FHOD3: variants seen among roughly 807,000 people sequenced by gnomAD.
FHOD3 encodes the protein formin homology 2 domain containing 3.
In FHOD3, 90 loss-of-function variants were observed where a neutral mutation model predicts 173.0. That is an observed-to-expected ratio of 0.52 (90% CI 0.44 to 0.62). FHOD3 has a LOEUF of 0.62. Among genes scored for constraint, FHOD3 ranks in the 20% least tolerant of loss-of-function variants. FHOD3 has a pLI of 0.00. For missense variants in FHOD3, 1,945 were observed against 2,034.7 expected, an observed-to-expected ratio of 0.96 and a Z score of 0.85; for synonymous variants, 828 against 823.0, an observed-to-expected ratio of 1.01 and a Z score of -0.10.
At chr18:36,730,147 T>C (rs1305304522) in intron 19 of FHOD3, among the ~76,000 whole-genome samples, 2 of 152,148 alleles carry the variant, frequency 1.3e-5, no homozygotes, top group East Asian at 3.9e-4. Context: ...AGGTGAGGGC[T>C]TTGAGACAGT....
At chr18:36,588,810 C>T (rs565057101) in intron 6 of FHOD3, among the ~76,000 whole-genome samples, 1 of 152,288 alleles carries the variant, frequency 6.6e-6, no homozygotes, top group Non-Finnish European at 1.5e-5. Context: ...AATCTAGATA[C>T]ACAGGTTCTG....
intron 3 of FHOD3, among the ~76,000 whole-genome samples, chr18:36,436,486 C>G (rs1440927764): frequency 1.3e-5 from 2 of 152,098 alleles, no homozygotes; most frequent in African/African-American, 4.8e-5. Flanking sequence ...GATAAAAGAT[C>G]AGTGGGCAGA....
intron 6 of FHOD3, among the ~76,000 whole-genome samples, chr18:36,582,488 A>G (rs1281455952): frequency 6.6e-6 from 1 of 152,220 alleles, no homozygotes; most frequent in Non-Finnish European, 1.5e-5. Flanking sequence ...ATACTGTTGC[A>G]TGCTGGAATT....
intron 25 of FHOD3, among the ~76,000 whole-genome samples, chr18:36,757,181 T>C (rs1235864535): frequency 6.6e-6 from 1 of 152,206 alleles, no homozygotes; most frequent in Non-Finnish European, 1.5e-5. Flanking sequence ...TGAATGTTTC[T>C]AGAGTTTGAT....
At chr18:36,684,417 A>T (rs2038463776) in intron 15 of FHOD3, among the ~76,000 whole-genome samples, 1 of 152,178 alleles carries the variant, frequency 6.6e-6, no homozygotes, top group African/African-American at 2.4e-5. Context: ...ACATTTAAAG[A>T]CTTTAAAGTA....
At chr18:36,464,654 G>A (rs554907271) in intron 3 of FHOD3, among the ~76,000 whole-genome samples, 1 of 152,072 alleles carries the variant, frequency 6.6e-6, no homozygotes, top group Middle Eastern at 3.4e-3. Flanking sequence ...TGCAAGTGGA[G>A]AAAGAGAGGG....
intron 4 of FHOD3, among the ~76,000 whole-genome samples, chr18:36,511,666 C>G (rs1433204614): frequency 6.6e-6 from 1 of 152,160 alleles, no homozygotes; most frequent in African/African-American, 2.4e-5. Context: ...GCTAGAGATT[C>G]CTAATCAGGA....
intron 3 of FHOD3, among the ~76,000 whole-genome samples, chr18:36,403,102 GA>G (rs1485161108): frequency 6.6e-6 from 1 of 152,168 alleles, no homozygotes; most frequent in Non-Finnish European, 1.5e-5. Flanking sequence ...GCTGCTCAGT[GA>G]AAATCCTCTA....
At chr18:36,505,462 G>T (rs933980115) in intron 4 of FHOD3, among the ~76,000 whole-genome samples, 1 of 152,154 alleles carries the variant, frequency 6.6e-6, no homozygotes, top group African/African-American at 2.4e-5. Flanking sequence ...TAAAAATGAA[G>T]ATCTCAATTG....
chr18:36,739,499 A>G (rs2041802047), intron 20 of FHOD3, among the ~76,000 whole-genome samples: 1 of 152,226 alleles, frequency 6.6e-6, no homozygotes, highest in Non-Finnish European at 1.5e-5. Context: ...ATATCTACAA[A>G]AAATTATACT....
chr18:36,565,760 T>C (rs1054804049), intron 5 of FHOD3, among the ~76,000 whole-genome samples: 4 of 152,030 alleles, frequency 2.6e-5, no homozygotes, highest in African/African-American at 9.7e-5. Flanking sequence ...TAAAAGAAAA[T>C]GAAGTGAAGA....
At chr18:36,461,257 T>C (rs947967917) in intron 3 of FHOD3, among the ~76,000 whole-genome samples, 1 of 152,190 alleles carries the variant, frequency 6.6e-6, no homozygotes, top group Non-Finnish European at 1.5e-5. Context: ...GCACCTTCTT[T>C]CCATTGCTCT....
intron 5 of FHOD3, among the ~76,000 whole-genome samples, chr18:36,524,729 A>G (rs577410173): frequency 1.1e-4 from 16 of 152,282 alleles, no homozygotes; most frequent in Admixed American, 4.6e-4. Flanking sequence ...TGGAGGATTG[A>G]ATAAACATCG....
chr18:36,631,472 A>G (rs2034507424), intron 10 of FHOD3, among the ~76,000 whole-genome samples: 1 of 152,000 alleles, frequency 6.6e-6, no homozygotes, highest in African/African-American at 2.4e-5. Context: ...TGTAAAATGA[A>G]GAGAGTTGTA....
chr18:36,384,632 A>T (rs2146338896), intron 3 of FHOD3, among the ~76,000 whole-genome samples: 1 of 152,254 alleles, frequency 6.6e-6, no homozygotes, highest in East Asian at 1.9e-4. Context: ...TTTTAAAAAT[A>T]AAGTCATATA....
intron 5 of FHOD3, among the ~76,000 whole-genome samples, chr18:36,542,917 T>C (rs2057281640): frequency 6.6e-6 from 1 of 152,196 alleles, no homozygotes; most frequent in Non-Finnish European, 1.5e-5. Flanking sequence ...GCTGGACCAA[T>C]GTCCCTAAAT....
chr18:36,741,033 C>T (rs571886323), intron 21 of FHOD3, among the ~76,000 whole-genome samples, 195 bp downstream of exon 21: 68 of 152,118 alleles, frequency 4.5e-4, no homozygotes, highest in Non-Finnish European at 2.1e-4. Context: ...AAGTGTCTGC[C>T]TGGTGCCAGC....
chr18:36,583,025 A>AG (rs2058910508), intron 6 of FHOD3, among the ~76,000 whole-genome samples: 1 of 152,160 alleles, frequency 6.6e-6, no homozygotes, highest in African/African-American at 2.4e-5. Context: ...TCTCTTATTA[A>AG]CTGTTAGTGC....
chr18:36,547,901 A>G (rs2057478068), intron 5 of FHOD3, among the ~76,000 whole-genome samples: 1 of 152,348 alleles, frequency 6.6e-6, no homozygotes, highest in East Asian at 1.9e-4. Context: ...TTTAACACAA[A>G]ACAATTTTGG....
Sources: allele counts gnomAD v4.1 joint callset (sites outside exome capture counted in the v4.1 genomes callset), GRCh38; gene constraint gnomAD v4.1.1; transcripts MANE v1.5; gene names NCBI Gene and HGNC (gene_info 2026-07-23, HGNC 2026-07-21).